Variants in NEXMIF observed in about 807,000 individuals in gnomAD.
NEXMIF encodes neurite extension and migration factor.
Under a neutral mutation model 62.1 loss-of-function variants are expected in NEXMIF, and 8 were observed. That is an observed-to-expected ratio of 0.13 (90% CI 0.08 to 0.23). The LOEUF is 0.23. Ranked by LOEUF, NEXMIF falls within the 10% of genes least tolerant of loss-of-function variation. NEXMIF has a pLI of 1.00. For missense variants in NEXMIF, 976 were observed against 1,113.3 expected (o/e 0.88, Z 1.75); for synonymous variants, 404 against 416.6 (o/e 0.97, Z 0.37).
At chrX:74,807,469 C>CT (rs34724360) in intron 1 of NEXMIF, among the ~76,000 whole-genome samples, 75 of 103,992 alleles carry the variant, frequency 7.2e-4, no homozygotes, top group South Asian at 2.1e-3. Flanking sequence ...AGTGCTCAGC[C>CT]TTTTTTTTTT....
At chrX:74,922,111 C>T (rs889636766) in intron 1 of NEXMIF, among the ~76,000 whole-genome samples, 1 of 111,560 alleles carries the variant, frequency 9.0e-6, no homozygotes, top group African/African-American at 3.3e-5. Context: ...GTCCAGGATC[C>T]ATGAACCCAT....
At chrX:74,918,778 T>G (rs1231385089) in intron 1 of NEXMIF, among the ~76,000 whole-genome samples, 2 of 112,202 alleles carry the variant, frequency 1.8e-5, no homozygotes, top group Admixed American at 9.4e-5. Context: ...TGGCTCCATT[T>G]TTTTTCTTGT....
intron 1 of NEXMIF, among the ~76,000 whole-genome samples, chrX:74,770,050 C>T (rs1034876128): frequency 3.6e-5 from 4 of 111,173 alleles, no homozygotes; most frequent in African/African-American, 9.8e-5. Flanking sequence ...TAAAATTAGT[C>T]CCCGTTCATA....
At position 74,879,493 on chromosome X, in the gene NEXMIF, G is replaced by A. The variant is rs186092420; in HGVS notation, c.-48+45390C>T. ...AGAATAAAGCAAAGAGAAAAATAAA[G>A]GGGAAAAGTTAATACATTTGGACAA... On this transcript the variant is annotated intron_variant, in intron 1 of 3. Transcript: ENST00000055682. 2.7e-3 allele frequency among the ~76,000 whole-genome samples: 302 copies of A among 112,123 alleles called. 2 individuals are homozygous for A. The East Asian group carries it at 0.029, about 11-fold the overall frequency.
intron 1 of NEXMIF, among the ~76,000 whole-genome samples, chrX:74,828,220 G>A (rs994936368): frequency 4.5e-5 from 5 of 111,542 alleles, no homozygotes; most frequent in Non-Finnish European, 9.4e-5. Flanking sequence ...AGAGGAGGGA[G>A]TATGATGAGC....
chrX:74,846,051 T>C (rs1476193186), intron 1 of NEXMIF, among the ~76,000 whole-genome samples: 2 of 112,435 alleles, frequency 1.8e-5, no homozygotes, highest in Non-Finnish European at 3.8e-5. Flanking sequence ...TTAGCATCCA[T>C]TGTAATTAAT....
chrX:74,875,111 TATG>T (rs1186928572), intron 1 of NEXMIF, among the ~76,000 whole-genome samples: 2 of 111,825 alleles, frequency 1.8e-5, no homozygotes, highest in African/African-American at 3.3e-5. Context: ...GTCCCTTCAG[TATG>T]ATATTGGCTG....
chrX:74,859,506 A>C (rs750443444), intron 1 of NEXMIF, among the ~76,000 whole-genome samples: 2 of 111,900 alleles, frequency 1.8e-5, no homozygotes, highest in South Asian at 7.4e-4. Context: ...AAGAAATGCT[A>C]AATGGAGTAC....
At chrX:74,880,814 G>T (rs2080659787) in intron 1 of NEXMIF, among the ~76,000 whole-genome samples, 1 of 111,900 alleles carries the variant, frequency 8.9e-6, no homozygotes, top group Non-Finnish European at 1.9e-5. Context: ...ACATCAAATG[G>T]CTGTACTTCT....
chrX:74,906,617 T>C (rs1343550416), intron 1 of NEXMIF, among the ~76,000 whole-genome samples: 3 of 110,346 alleles, frequency 2.7e-5, no homozygotes, highest in Non-Finnish European at 3.8e-5. Flanking sequence ...ACACCACAAA[T>C]CACCTTCTGC....
chrX:74,803,446 T>C (rs2080335899), intron 1 of NEXMIF, among the ~76,000 whole-genome samples: 3 of 110,706 alleles, frequency 2.7e-5, no homozygotes, highest in Admixed American at 1.9e-4. Context: ...CAGGCGCCTG[T>C]AGTCCCAGCT....
At chrX:74,797,019 G>A (rs760297389) in intron 1 of NEXMIF, among the ~76,000 whole-genome samples, 4 of 111,952 alleles carry the variant, frequency 3.6e-5, no homozygotes, top group South Asian at 7.4e-4. Context: ...TATTATGTGC[G>A]CCTTGAAATA....
intron 1 of NEXMIF, among the ~76,000 whole-genome samples, chrX:74,814,334 A>G (rs1186097724): frequency 8.9e-6 from 1 of 111,962 alleles, no homozygotes; most frequent in East Asian, 2.8e-4. Flanking sequence ...GACTGTATAC[A>G]TTAACAGTGT....
chrX:74,874,985 T>C (rs913180877), intron 1 of NEXMIF, among the ~76,000 whole-genome samples: 1 of 111,240 alleles, frequency 9.0e-6, no homozygotes, highest in Non-Finnish European at 1.9e-5. Context: ...TACATTTTAT[T>C]TCCTTCTCCT....
chrX:74,886,157 T>G (rs1412333902), intron 1 of NEXMIF, among the ~76,000 whole-genome samples: 2 of 111,452 alleles, frequency 1.8e-5, no homozygotes, highest in African/African-American at 6.5e-5. Context: ...CTCAAGATAA[T>G]AAGAGCTATC....
intron 1 of NEXMIF, among the ~76,000 whole-genome samples, chrX:74,766,653 T>G (rs777840172): frequency 1.8e-4 from 20 of 112,289 alleles, no homozygotes; most frequent in African/African-American, 6.5e-4. Flanking sequence ...ATTCTTAGTT[T>G]CCTTGAATTG....
intron 1 of NEXMIF, among the ~76,000 whole-genome samples, chrX:74,875,349 T>G (rs1474369815): frequency 1.8e-5 from 2 of 112,037 alleles, no homozygotes; most frequent in Non-Finnish European, 3.8e-5. Flanking sequence ...GAAGCACACT[T>G]GATCATGATG....
At chrX:74,767,156 C>G (rs1395634158) in intron 1 of NEXMIF, among the ~76,000 whole-genome samples, 2 of 112,437 alleles carry the variant, frequency 1.8e-5, no homozygotes, top group African/African-American at 6.5e-5. Context: ...CTGCTACTGG[C>G]TTGATAGGCC....
chrX:74,776,667 C>T (rs1423585475), intron 1 of NEXMIF, among the ~76,000 whole-genome samples: 1 of 95,606 alleles, frequency 1.0e-5, no homozygotes, highest in Non-Finnish European at 2.0e-5. Flanking sequence ...GTGGAGGTTG[C>T]AGTGAGCTGA....
Sources: allele counts gnomAD v4.1 joint callset (sites outside exome capture counted in the v4.1 genomes callset), GRCh38; gene constraint gnomAD v4.1.1; transcripts MANE v1.5; gene names NCBI Gene and HGNC (gene_info 2026-07-23, HGNC 2026-07-21).